The following PLCB4 variants were observed in gnomAD, a reference collection of about 807,000 sequenced individuals.
PLCB4 encodes the protein 1-phosphatidylinositol 4,5-bisphosphate phosphodiesterase beta-4.
PLCB4 carries 77 observed loss-of-function variants against 178.8 expected under a neutral mutation model. The ratio of observed to expected loss-of-function variants is 0.43; its 90% CI spans 0.36 to 0.52. The LOEUF is 0.52. Among genes scored for constraint, PLCB4 ranks in the 20% least tolerant of loss-of-function variants. The pLI, the probability that PLCB4 is intolerant of heterozygous loss-of-function variation, is 0.00. For missense variants in PLCB4, 1,024 were observed against 1,453.4 expected (o/e 0.70, Z 4.80); for synonymous variants, 496 against 490.8 (o/e 1.01, Z -0.14).
chr20:9,455,083 T>A (rs1300361648), intron 33 of PLCB4, among the ~76,000 whole-genome samples: 4 of 152,190 alleles, frequency 2.6e-5, no homozygotes, highest in African/African-American at 2.4e-5. Flanking sequence ...CACATCAGCT[T>A]TGGCCTATTT....
chr20:9,406,597 G>A (rs1020256261), intron 21 of PLCB4, among the ~76,000 whole-genome samples: 5 of 151,382 alleles, frequency 3.3e-5, no homozygotes, highest in African/African-American at 7.3e-5. Context: ...CACTTCATTC[G>A]CCATTCTCCT....
chr20:9,475,701 C>T (rs561168323), intron 38 of PLCB4, among the ~76,000 whole-genome samples: 15 of 152,154 alleles, frequency 9.9e-5, no homozygotes, highest in Non-Finnish European at 1.8e-4. Context: ...AATTCAATCC[C>T]AGATCTTTCT....
chr20:9,368,277 C>T (rs1292152988), intron 9 of PLCB4, among the ~76,000 whole-genome samples: 1 of 152,154 alleles, frequency 6.6e-6, no homozygotes, highest in African/African-American at 2.4e-5. Flanking sequence ...CTTTTGTCTC[C>T]CTCTTCTCTT....
At chr20:9,419,058 T>A (rs1221312479) in intron 25 of PLCB4, among the ~76,000 whole-genome samples, 3 of 152,166 alleles carry the variant, frequency 2.0e-5, no homozygotes, top group African/African-American at 7.2e-5. Context: ...GTTTTTTTAG[T>A]GGATTCCTTA....
intron 3 of PLCB4, among the ~76,000 whole-genome samples, chr20:9,241,180 G>A (rs2094056440): frequency 6.6e-6 from 1 of 152,046 alleles, no homozygotes; most frequent in Admixed American, 6.6e-5. Context: ...CTTGAATGAA[G>A]GCTTCTCTGA....
rs111825668 is a variant in PLCB4, at chr20:9,352,512, C to T, written c.370-10384C>T. ...TTGGTATGGAAGTTTGGGACTGCAG[C>T]TTCTGAACAGCACAGGTGTCCTCTT... On this transcript the variant is annotated intron_variant, in intron 7 of 39. Transcript: ENST00000378473. Among the ~76,000 whole-genome samples, 832 of 152,288 alleles carry T rather than the reference C, an allele frequency of 5.5e-3. 3 individuals carry two copies. Among genetic ancestry groups the T allele is most frequent in the African/African-American group, 0.019 (787 of 41,574 alleles).
chr20:9,457,281 G>A (rs780562792), intron 33 of PLCB4, 133 bp from the exon 34 acceptor site: 9 of 648,284 alleles, frequency 1.4e-5, no homozygotes, highest in Admixed American at 2.6e-5. Context: ...AGAAAGACCA[G>A]TGTTGCCCAA....
intron 3 of PLCB4, among the ~76,000 whole-genome samples, chr20:9,297,160 C>A (rs562292173): frequency 7.2e-5 from 11 of 151,956 alleles, no homozygotes; most frequent in Middle Eastern, 3.4e-3. Flanking sequence ...AGCCCGCACC[C>A]CCCCCCACAC....
intron 3 of PLCB4, among the ~76,000 whole-genome samples, chr20:9,291,880 A>G (rs745934899): frequency 4.6e-5 from 7 of 152,170 alleles, no homozygotes; most frequent in Non-Finnish European, 1.0e-4. Flanking sequence ...TTCTCCTTCT[A>G]TGGTCTGAGC....
At chr20:9,220,782 A>C (rs1381332015) in intron 3 of PLCB4, among the ~76,000 whole-genome samples, 1 of 152,212 alleles carries the variant, frequency 6.6e-6, no homozygotes, top group Non-Finnish European at 1.5e-5. Flanking sequence ...CCTTGGAGAC[A>C]TAGATATGTT....
intron 2 of PLCB4, among the ~76,000 whole-genome samples, chr20:9,125,775 A>G (rs2092097390): frequency 6.6e-6 from 1 of 152,202 alleles, no homozygotes; most frequent in African/African-American, 2.4e-5. Flanking sequence ...CTATATGCGT[A>G]TACACATATA....
intron 12 of PLCB4, among the ~76,000 whole-genome samples, chr20:9,376,871 A>G (rs2036720445): frequency 6.6e-6 from 1 of 152,066 alleles, no homozygotes; most frequent in Admixed American, 6.6e-5. Context: ...GTTGCTGGTA[A>G]TCTTCCCCCT....
chr20:9,186,480 C>T (rs188637540), intron 2 of PLCB4, among the ~76,000 whole-genome samples: 1 of 152,300 alleles, frequency 6.6e-6, no homozygotes, highest in East Asian at 1.9e-4. Flanking sequence ...TTTAATTCCA[C>T]TTATCTGAAA....
chr20:9,436,744 T>C (rs2041797448), intron 29 of PLCB4, among the ~76,000 whole-genome samples: 1 of 152,202 alleles, frequency 6.6e-6, no homozygotes, highest in African/African-American at 2.4e-5. Context: ...TGTTTCTTTG[T>C]TTTTAAATGT....
chr20:9,230,216 G>A (rs1001313282), intron 3 of PLCB4, among the ~76,000 whole-genome samples: 3 of 151,968 alleles, frequency 2.0e-5, no homozygotes, highest in African/African-American at 7.3e-5. Context: ...ACTGGATTTG[G>A]GCCCACCCCA....
chr20:9,223,533 C>T (rs1373314222), intron 3 of PLCB4, among the ~76,000 whole-genome samples: 1 of 152,174 alleles, frequency 6.6e-6, no homozygotes, highest in Non-Finnish European at 1.5e-5. Flanking sequence ...GAGCAGGCAG[C>T]TGGTATGGCT....
chr20:9,216,328 C>T (rs1478914727), intron 2 of PLCB4, among the ~76,000 whole-genome samples: 1 of 150,894 alleles, frequency 6.6e-6, no homozygotes, highest in African/African-American at 2.4e-5. Flanking sequence ...CGCCATTTTC[C>T]TGCCTCAGCC....
chr20:9,225,139 T>C (rs2093847751), intron 3 of PLCB4, among the ~76,000 whole-genome samples: 1 of 152,218 alleles, frequency 6.6e-6, no homozygotes, highest in Non-Finnish European at 1.5e-5. Flanking sequence ...GCATAAAGTG[T>C]TCATTGTAGA....
At chr20:9,209,791 G>A (rs565083283) in intron 2 of PLCB4, among the ~76,000 whole-genome samples, 214 of 151,860 alleles carry the variant, frequency 1.4e-3, no homozygotes, top group African/African-American at 4.7e-3. Flanking sequence ...GTGAAACCCC[G>A]TCTCTACTAA....
Sources: allele counts gnomAD v4.1 joint callset (sites outside exome capture counted in the v4.1 genomes callset), GRCh38; gene constraint gnomAD v4.1.1; transcripts MANE v1.5; gene names NCBI Gene and HGNC (gene_info 2026-07-23, HGNC 2026-07-21).